The following RPH3AL variants were observed in gnomAD, a reference collection of about 807,000 sequenced individuals.
RPH3AL encodes the protein rab effector Noc2.
RPH3AL carries 38 observed loss-of-function variants against 43.1 expected under a neutral mutation model. The ratio of observed to expected loss-of-function variants is 0.88; its 90% CI spans 0.68 to 1.15. The LOEUF (loss-of-function observed/expected upper bound fraction) is 1.15, where lower values mean the gene tolerates loss of function less well. Among genes scored for constraint, RPH3AL ranks in the 50% most tolerant of loss-of-function variants. The pLI, the probability that RPH3AL is intolerant of heterozygous loss-of-function variation, is 0.00. For synonymous variants in RPH3AL, 189 were observed against 176.3 expected (o/e 1.07, Z -0.57); for missense variants, 462 against 423.2 (o/e 1.09, Z -0.81).
chr17:336,392 C>T (rs73286626), intron 1 of RPH3AL, among the ~76,000 whole-genome samples: 3 of 152,132 alleles, frequency 2.0e-5, no homozygotes, highest in Non-Finnish European at 4.4e-5. Flanking sequence ...CAAGCGGGCT[C>T]GAGTGGATTC....
intron 2 of RPH3AL, chr17:331,573 G>C (rs1351850292): frequency 1.6e-6 from 2 of 1,277,896 alleles, no homozygotes; most frequent in Non-Finnish European, 2.0e-6. Context: ...GGGAGAGGAA[G>C]GGCAACTCGA....
chr17:316,732 G>C (rs796736810), intron 5 of RPH3AL, among the ~76,000 whole-genome samples: 64 of 17,586 alleles, frequency 3.6e-3, no homozygotes, highest in East Asian at 8.5e-3. Flanking sequence ...CACCTCCATT[G>C]ACCTGTAGTC....
intron 6 of RPH3AL, among the ~76,000 whole-genome samples, chr17:272,733 G>A (rs1187688888): frequency 6.7e-6 from 1 of 148,956 alleles, no homozygotes; most frequent in Non-Finnish European, 1.5e-5. Flanking sequence ...TTGAGCACAT[G>A]TACCCTAGAA....
intron 7 of RPH3AL, among the ~76,000 whole-genome samples, chr17:238,239 G>A (rs2041447960): frequency 6.7e-6 from 1 of 149,790 alleles, no homozygotes; most frequent in East Asian, 2.0e-4. Context: ...AAGAAAAGAG[G>A]GAGGGACAGA....
At chr17:222,640 A>G (rs537325838) in intron 7 of RPH3AL, among the ~76,000 whole-genome samples, 10 of 152,216 alleles carry the variant, frequency 6.6e-5, no homozygotes, top group Non-Finnish European at 1.3e-4. Context: ...ATGTACATCC[A>G]TTCACCAATC....
chr17:301,130 AT>A (rs2043318634), intron 5 of RPH3AL, among the ~76,000 whole-genome samples: 2 of 152,356 alleles, frequency 1.3e-5, no homozygotes, highest in South Asian at 4.1e-4. Flanking sequence ...CTCACTCTGG[AT>A]GCTCCGCCAT....
intron 6 of RPH3AL, among the ~76,000 whole-genome samples, chr17:260,534 G>C (rs1007011631): frequency 6.6e-6 from 1 of 152,212 alleles, no homozygotes; most frequent in East Asian, 1.9e-4. Flanking sequence ...GGGAGACTGC[G>C]TTCTGTCTGC....
intron 5 of RPH3AL, among the ~76,000 whole-genome samples, chr17:316,995 C>T (rs199626995): frequency 2.6e-4 from 36 of 139,286 alleles, no homozygotes; most frequent in African/African-American, 3.3e-4. Context: ...TCCCTGTGAC[C>T]CCACCTCCAT....
chr17:245,362 A>AGT lies in RPH3AL; in HGVS notation c.613+1747_613+1748dup, dbSNP rs753717236. ...GGATGTGAGTGTGTATGTGGATGTC[A>AGT]GTGTGTGTGTGTGGATGTCAGTGTG... On this transcript the variant is annotated intron_variant, in intron 7 of 9. Coordinates refer to ENST00000331302, the MANE Select transcript of RPH3AL (RefSeq NM_006987.4). This position sits in a 1 kb window ranked among gnomAD's most constrained non-coding sequence, Gnocchi z 5.9. Among the ~76,000 whole-genome samples, 7 of 118,788 alleles carry AGT rather than the reference A, an allele frequency of 5.9e-5. No homozygotes were observed. Among genetic ancestry groups the AGT allele is most frequent in the South Asian group, 3.0e-4 (1 of 3,304 alleles). The allele number at this position is 118,788 out of a possible 152,430, so 77.9% of individuals were successfully genotyped here.
chr17:337,856 G>A (rs1412692616), intron 1 of RPH3AL, among the ~76,000 whole-genome samples: 1 of 152,174 alleles, frequency 6.6e-6, no homozygotes, highest in Non-Finnish European at 1.5e-5. Context: ...TTTTAACCTT[G>A]GAAAGTAAAT....
intron 6 of RPH3AL, among the ~76,000 whole-genome samples, chr17:263,937 C>G (rs782083826): frequency 4.6e-5 from 7 of 152,174 alleles, no homozygotes; most frequent in Non-Finnish European, 8.8e-5. Context: ...ACCAAAGTTT[C>G]ACTGCAGACG....
intron 5 of RPH3AL, among the ~76,000 whole-genome samples, chr17:295,197 G>C (rs1233787957): frequency 1.3e-4 from 18 of 134,738 alleles, no homozygotes; most frequent in Admixed American, 2.2e-4. Flanking sequence ...TGGATGGACA[G>C]AGGGAATGCA....
intron 4 of RPH3AL, among the ~76,000 whole-genome samples, chr17:319,780 G>GTTC (rs2044407777): frequency 1.4e-5 from 2 of 147,544 alleles, no homozygotes; most frequent in Non-Finnish European, 3.0e-5. Context: ...GCCAGAGACA[G>GTTC]ACATGGTCCC....
At chr17:273,018 CAGG>C (rs1207498416) in intron 6 of RPH3AL, among the ~76,000 whole-genome samples, 1 of 120,636 alleles carries the variant, frequency 8.3e-6, no homozygotes, top group East Asian at 2.3e-4. Context: ...AGGGCGACAT[CAGG>C]AAGAGACCCC....
Position 309,624 on chromosome 17 carries a change from C to A in RPH3AL, c.351+9796G>T, listed in dbSNP as rs78316163. Among the ~76,000 whole-genome samples the A allele has an allele frequency of 2.2e-5, 2 of 90,398 alleles. 1 individual carries two copies. Among genetic ancestry groups the A allele is most frequent in the Non-Finnish European group, 5.2e-5 (2 of 38,442 alleles). 59.3% of individuals were successfully genotyped at this position (90,398 alleles called of 152,430 possible). ...CCTGCTGGGGGTCCAGGATATGGCACATCCCCCGTCCAGGGCTCCTGCCAG... is the reference window on the plus strand; with the variant it reads ...CCTGCTGGGGGTCCAGGATATGGCAAATCCCCCGTCCAGGGCTCCTGCCAG... On this transcript the variant is annotated intron_variant, in intron 5 of 9. Coordinates refer to ENST00000331302, the MANE Select transcript of RPH3AL (RefSeq NM_006987.4).
chr17:270,468 T>G (rs2042435785), intron 6 of RPH3AL, among the ~76,000 whole-genome samples: 1 of 152,142 alleles, frequency 6.6e-6, no homozygotes, highest in South Asian at 2.1e-4. Flanking sequence ...CGTAGGCCTG[T>G]GAGGCCCAGA....
At chr17:251,964 C>CT (rs71371530) in intron 6 of RPH3AL, among the ~76,000 whole-genome samples, 21,133 of 129,210 alleles carry the variant, frequency 0.16, 1,547 homozygotes, top group South Asian at 0.22. Context: ...GAAGTTTTCT[C>CT]TTTTTTTTTT....
chr17:222,048 C>T (rs1370516086), intron 7 of RPH3AL, among the ~76,000 whole-genome samples: 1 of 151,970 alleles, frequency 6.6e-6, no homozygotes, highest in African/African-American at 2.4e-5. Context: ...GAGGCCTCCA[C>T]TCACTGAGAC....
chr17:253,479 C>T (rs531787965), intron 6 of RPH3AL, among the ~76,000 whole-genome samples: 1 of 152,236 alleles, frequency 6.6e-6, no homozygotes, highest in East Asian at 1.9e-4. Context: ...CGGTTTTGGC[C>T]TCCGGGTATG....
Sources: allele counts gnomAD v4.1 joint callset (sites outside exome capture counted in the v4.1 genomes callset), GRCh38; gene constraint gnomAD v4.1.1; non-coding constraint Gnocchi (gnomAD v3.1); transcripts MANE v1.5; gene names NCBI Gene and HGNC (gene_info 2026-07-23, HGNC 2026-07-21).